Variants in TSPO observed in about 807,000 individuals in gnomAD.
TSPO encodes the protein benzodiazepine peripheral binding site.
TSPO carries 14 observed loss-of-function variants against 13.9 expected under a neutral mutation model. That is an observed-to-expected ratio of 1.01 (90% CI 0.67 to 1.58). The LOEUF (loss-of-function observed/expected upper bound fraction) is 1.58, where lower values mean the gene tolerates loss of function less well. Ranked by LOEUF, TSPO falls within the 40% of genes most tolerant of loss-of-function variation. The pLI is 0.00. For missense variants in TSPO, 232 were observed against 229.6 expected, an observed-to-expected ratio of 1.01 and a Z score of -0.07; for synonymous variants, 114 against 105.9, an observed-to-expected ratio of 1.08 and a Z score of -0.47.
At chr22:43,157,306 A>AGGTGGGCGGGGCGGGGCAGGAGGGC (rs1569479279) in intron 1 of TSPO, among the ~76,000 whole-genome samples, 1 of 49,346 alleles carries the variant, frequency 2.0e-5, no homozygotes, top group African/African-American at 5.4e-5. Flanking sequence ...GGCAGGAGGG[A>AGGTGGGCGGGGCGGGGCAGGAGGGC]GGGGCGGGGC....
intron 2 of TSPO, among the ~76,000 whole-genome samples, chr22:43,160,536 T>C (rs1193741857): frequency 6.6e-6 from 1 of 152,180 alleles, no homozygotes; most frequent in African/African-American, 2.4e-5. Context: ...CATCGGCTGC[T>C]GTTACTGGTG....
intron 3 of TSPO, 75 bp from the exon 4 acceptor site, chr22:43,162,728 T>G: frequency 7.1e-7 from 1 of 1,406,926 alleles, no homozygotes; most frequent in Non-Finnish European, 9.5e-7. Context: ...CCAGTGGGAG[T>G]TGGGCAGTGG....
At chr22:43,161,287 G>A in intron 3 of TSPO, 97 bp downstream of exon 3, 1 of 1,490,478 alleles carries the variant, frequency 6.7e-7, no homozygotes, top group African/African-American at 1.4e-5. Flanking sequence ...CTATAGGCGG[G>A]GCCAGGGGAG....
intron 2 of TSPO, among the ~76,000 whole-genome samples, chr22:43,160,292 T>C (rs1355155810): frequency 6.6e-6 from 1 of 152,156 alleles, no homozygotes; most frequent in Non-Finnish European, 1.5e-5. Context: ...TGGGGCTCCC[T>C]GTGGCTCTGG....
At chr22:43,151,876 C>T (rs1352611115) in intron 1 of TSPO, 2 of 152,226 alleles carry the variant, frequency 1.3e-5, no homozygotes, top group Non-Finnish European at 2.9e-5. Context: ...CACGCCCAGC[C>T]CTTGGCCGCG....
rs1244852377 is a variant in TSPO at position 43,159,309 on chromosome 22, G to A, written c.71G>A (p.Arg24His). The A allele has an allele frequency of 1.5e-5, 23 of 1,550,914 alleles. No individual in the cohort carries two copies. The highest frequency in any genetic ancestry group is 7.8e-5 in the Admixed American group (4 of 51,194). The change falls in exon 2 of 4, where the codon CGC (arginine) becomes CAC (histidine). Residue 24 changes from arginine to histidine, a missense_variant. Coordinates refer to ENST00000337554, the MANE Select transcript of TSPO (RefSeq NM_000714.6). ...APSLGCFVGS[R>H]FVHGEGLRWY... is the part of the protein sequence containing the mutation. ...AGCCTGGGGTGCTTCGTGGGCTCCC[G>A]CTTTGTCCACGGCGAGGGTCTCCGC...
At chr22:43,161,809 TCTTTTTTAAAGTTTTAAA>T (rs1309431287) in intron 3 of TSPO, among the ~76,000 whole-genome samples, 2 of 152,044 alleles carry the variant, frequency 1.3e-5, no homozygotes, top group Non-Finnish European at 2.9e-5. Context: ...GCTGACTGCT[TCTTTTTTAAAGTTTTAAA>T]CTTTTTTAAG....
intron 2 of TSPO, chr22:43,159,651 G>A (rs578025139): frequency 1.7e-4 from 76 of 447,798 alleles, no homozygotes; most frequent in Non-Finnish European, 1.5e-4. Flanking sequence ...TGGCATCCCC[G>A]CCATGTTCAC....
chr22:43,156,133 G>T (rs1377832328), intron 1 of TSPO, among the ~76,000 whole-genome samples: 4 of 152,260 alleles, frequency 2.6e-5, no homozygotes, highest in African/African-American at 4.8e-5. Context: ...GGCCTGAGAA[G>T]GGGGCAGCCT....
At chr22:43,158,119 A>G (rs762322978) in intron 1 of TSPO, among the ~76,000 whole-genome samples, 15 of 152,206 alleles carry the variant, frequency 9.9e-5, no homozygotes, top group Non-Finnish European at 1.5e-4. Flanking sequence ...CCAAAGCCCA[A>G]GTTCAGCACA....
chr22:43,160,989 G>A lies in TSPO; in HGVS notation c.183-63G>A, dbSNP rs1931416187. 1.5e-5 allele frequency: 24 copies of A among 1,555,290 alleles called. No individual in the cohort carries two copies. The Admixed American group carries it at 2.6e-4, about 17-fold the overall frequency. On this transcript the variant is annotated intron_variant, in intron 2 of 3. Transcript: ENST00000337554. ...CGTATGAACCATCACTGTGCCACTCGGAGGTGGGCAACGCTCCTGGCCTTG... is the reference window on the plus strand; with the variant it reads ...CGTATGAACCATCACTGTGCCACTCAGAGGTGGGCAACGCTCCTGGCCTTG...
intron 1 of TSPO, among the ~76,000 whole-genome samples, chr22:43,156,350 C>G (rs937388277): frequency 4.6e-5 from 7 of 152,164 alleles, no homozygotes; most frequent in Admixed American, 1.3e-4. Flanking sequence ...CTGGCCCTGG[C>G]TGGGTGCTGG....
chr22:43,161,693 G>A (rs527541915), intron 3 of TSPO, among the ~76,000 whole-genome samples: 2 of 151,928 alleles, frequency 1.3e-5, no homozygotes, highest in Non-Finnish European at 2.9e-5. Context: ...GTAGAGATGG[G>A]GTTTCACTAT....
chr22:43,161,088 C>G lies in TSPO; in HGVS notation c.219C>G (p.Gly73=), dbSNP rs1451797232. The change falls in exon 3 of 4, where the codon GGC becomes GGG. Residue 73 remains glycine, a synonymous_variant. Transcript: ENST00000337554. ...ACCTGGTCTGGAAAGAGCTGGGAGG[C>G]TTCACAGAGAAGGCTGTGGTTCCCC... ...GSYLVWKELG[G]FTEKAVVPLG... The G allele has an allele frequency of 6.2e-7, 1 of 1,614,144 alleles. No homozygotes were observed. Among genetic ancestry groups the G allele is most frequent in the African/African-American group, 1.3e-5 (1 of 75,056 alleles).
At chr22:43,155,491 GCT>G (rs1048584594) in intron 1 of TSPO, among the ~76,000 whole-genome samples, 3 of 152,218 alleles carry the variant, frequency 2.0e-5, no homozygotes, top group Non-Finnish European at 4.4e-5. Context: ...GTGTCCAGGG[GCT>G]CTCGTGGCTG....
chr22:43,160,485 T>G (rs377508111), intron 2 of TSPO, among the ~76,000 whole-genome samples: 3 of 152,288 alleles, frequency 2.0e-5, no homozygotes, highest in African/African-American at 7.2e-5. Context: ...GAGTGAATGC[T>G]TGGGAAGTGG....
chr22:43,153,392 C>T lies in TSPO; in HGVS notation c.-30+1788C>T, dbSNP rs1274149943. 3.5e-5 allele frequency among the ~76,000 whole-genome samples: 2 copies of T among 57,544 alleles called. 1 individual carries two copies. Among genetic ancestry groups the T allele is most frequent in the Non-Finnish European group, 7.2e-5 (2 of 27,808 alleles). 37.8% of individuals were successfully genotyped at this position (57,544 alleles called of 152,430 possible). On this transcript the variant is annotated intron_variant, in intron 1 of 3. Coordinates refer to ENST00000337554, the MANE Select transcript of TSPO (RefSeq NM_000714.6). ...CGGAGTCTCGCTCTGTCGCCCAGGC[C>T]GGACTGCGGACTGCAGTGGCGCAAT...
intron 1 of TSPO, chr22:43,152,349 C>T (rs1226719489): frequency 6.6e-6 from 1 of 152,374 alleles, no homozygotes; most frequent in Non-Finnish European, 1.5e-5. Flanking sequence ...GGGATACCAG[C>T]AGCGTGCCCT....
rs1173728463 is a variant in TSPO at position 43,162,817 on chromosome 22, C to T, written c.336C>T (p.Leu112=). ...AATCTCTGCAGGCCTTGGTGGATCT[C>T]CTGCTGGTCAGTGGGGCGGCGGCAG... ...ARQMGWALVD[L]LLVSGAAAAT... Residue 112 remains leucine, a synonymous_variant, in exon 4 of 4, where the codon CTC becomes CTT. Coordinates refer to ENST00000337554, the MANE Select transcript of TSPO (RefSeq NM_000714.6). 4 of 1,585,998 alleles carry T rather than the reference C, an allele frequency of 2.5e-6. No homozygotes were observed. The highest frequency in any genetic ancestry group is 3.4e-6 in the Non-Finnish European group (4 of 1,167,440).
Sources: allele counts gnomAD v4.1 joint callset (sites outside exome capture counted in the v4.1 genomes callset), GRCh38; gene constraint gnomAD v4.1.1; transcripts MANE v1.5; gene names NCBI Gene and HGNC (gene_info 2026-07-23, HGNC 2026-07-21).